HTR7: variants seen among roughly 807,000 people sequenced by gnomAD.
HTR7 encodes 5-hydroxytryptamine receptor 7, also known as 5-HT-7.
In HTR7, 16 loss-of-function variants were observed where a neutral mutation model predicts 34.0. That is an observed-to-expected ratio of 0.47 (90% CI 0.32 to 0.71). The LOEUF (loss-of-function observed/expected upper bound fraction) is 0.71. Among genes scored for constraint, HTR7 ranks in the 30% least tolerant of loss-of-function variants. The probability of loss-of-function intolerance (pLI) is 0.04; values close to 1 mark genes in which losing one functional copy is unlikely to be tolerated. For missense variants in HTR7, 504 were observed against 625.5 expected, an observed-to-expected ratio of 0.81 and a Z score of 2.07; for synonymous variants, 265 against 260.2, an observed-to-expected ratio of 1.02 and a Z score of -0.18.
At chr10:90,830,511 G>A (rs1248604141) in intron 1 of HTR7, among the ~76,000 whole-genome samples, 1 of 152,180 alleles carries the variant, frequency 6.6e-6, no homozygotes, top group Admixed American at 6.5e-5. Flanking sequence ...GGCCAGCCAG[G>A]CGCAGTGGCT....
intron 1 of HTR7, among the ~76,000 whole-genome samples, chr10:90,759,580 G>A (rs569465351): frequency 1.5e-4 from 22 of 149,828 alleles, no homozygotes; most frequent in East Asian, 1.2e-3. Flanking sequence ...GCGTGAACCC[G>A]GGAAGCGGAG....
At chr10:90,848,763 T>C (rs1251709398) in intron 1 of HTR7, among the ~76,000 whole-genome samples, 2 of 152,252 alleles carry the variant, frequency 1.3e-5, no homozygotes, top group East Asian at 3.8e-4. Flanking sequence ...ACTTGGTTGC[T>C]GGGTGTAGTT....
chr10:90,855,428 T>C (rs7919103), intron 1 of HTR7, among the ~76,000 whole-genome samples: 96,269 of 152,166 alleles, frequency 0.63, 32,252 homozygotes, highest in African/African-American at 0.88. Context: ...GCACAAGGTA[T>C]TATTTATGTA....
chr10:90,813,067 C>A (rs947495625), intron 1 of HTR7, among the ~76,000 whole-genome samples: 1 of 152,054 alleles, frequency 6.6e-6, no homozygotes, highest in Non-Finnish European at 1.5e-5. Context: ...AACCCCCACT[C>A]CTGCCCGCCA....
intron 1 of HTR7, among the ~76,000 whole-genome samples, chr10:90,816,988 T>C (rs1391210746): frequency 6.6e-6 from 1 of 152,184 alleles, no homozygotes; most frequent in African/African-American, 2.4e-5. Flanking sequence ...AAATTGGCTG[T>C]TAAGTTTTTT....
intron 1 of HTR7, among the ~76,000 whole-genome samples, chr10:90,775,093 A>G (rs1455383653): frequency 6.6e-6 from 1 of 152,236 alleles, no homozygotes; most frequent in African/African-American, 2.4e-5. Flanking sequence ...CATCACTCAG[A>G]AATAGGTCTT....
chr10:90,773,190 T>C (rs1845145871), intron 1 of HTR7, among the ~76,000 whole-genome samples: 1 of 152,228 alleles, frequency 6.6e-6, no homozygotes, highest in South Asian at 2.1e-4. Context: ...AACTCATACA[T>C]TGACAGAGAA....
intron 1 of HTR7, among the ~76,000 whole-genome samples, chr10:90,795,357 A>G (rs1399549834): frequency 6.6e-6 from 1 of 152,214 alleles, no homozygotes; most frequent in Non-Finnish European, 1.5e-5. Flanking sequence ...TTTCATAAAC[A>G]TTTATACGTA....
At chr10:90,834,530 G>A (rs1453638256) in intron 1 of HTR7, among the ~76,000 whole-genome samples, 1 of 152,144 alleles carries the variant, frequency 6.6e-6, no homozygotes, top group African/African-American at 2.4e-5. Context: ...AGTCCAGGCA[G>A]GTTCAGATCA....
chr10:90,853,287 C>CTTT (rs35477812), intron 1 of HTR7, among the ~76,000 whole-genome samples: 2 of 110,054 alleles, frequency 1.8e-5, no homozygotes, highest in Non-Finnish European at 1.9e-5. Context: ...TTTTTTTTTT[C>CTTT]TTTTTTTTTT....
intron 1 of HTR7, among the ~76,000 whole-genome samples, chr10:90,769,254 G>A (rs1296687659): frequency 2.0e-5 from 3 of 152,162 alleles, no homozygotes; most frequent in Non-Finnish European, 4.4e-5. Flanking sequence ...CTTTGAGTAA[G>A]ACATTTGTCT....
chr10:90,842,923 T>C (rs1293049493), intron 1 of HTR7, among the ~76,000 whole-genome samples: 1 of 152,112 alleles, frequency 6.6e-6, no homozygotes, highest in African/African-American at 2.4e-5. Context: ...AGGCCATCCC[T>C]TGGGACTGTC....
At chr10:90,810,456 T>A (rs990823374) in intron 1 of HTR7, among the ~76,000 whole-genome samples, 3 of 152,328 alleles carry the variant, frequency 2.0e-5, no homozygotes, top group East Asian at 3.9e-4. Flanking sequence ...AAGCCTGTTA[T>A]CACTCGCCTG....
intron 1 of HTR7, among the ~76,000 whole-genome samples, chr10:90,776,289 A>G (rs1305393590): frequency 5.3e-5 from 8 of 152,206 alleles, no homozygotes; most frequent in Admixed American, 3.9e-4. Context: ...GCTAATTTCC[A>G]TATCCAATAT....
Position 90,818,929 on chromosome 10 carries a change from C to T in HTR7, c.539+38204G>A, listed in dbSNP as rs556829033. On this transcript the variant is annotated intron_variant, in intron 1 of 3. Coordinates refer to ENST00000336152, the MANE Select transcript of HTR7 (RefSeq NM_019859.4). ...GGTATGCAGCACTTCCCCCATCTCT[C>T]TCTTCCTCCTGCTCCAGCCGTGTTA... Among the ~76,000 whole-genome samples the T allele has an allele frequency of 6.6e-5, 10 of 152,304 alleles. No individual in the cohort carries two copies. The East Asian group carries it at 1.2e-3, about 18-fold the overall frequency.
At chr10:90,818,606 C>A (rs1302532639) in intron 1 of HTR7, among the ~76,000 whole-genome samples, 1 of 152,056 alleles carries the variant, frequency 6.6e-6, no homozygotes, top group African/African-American at 2.4e-5. Flanking sequence ...ACTCTCTTGG[C>A]CTCACACTCT....
chr10:90,756,088 T>C (rs569828655), intron 1 of HTR7, among the ~76,000 whole-genome samples: 41 of 152,284 alleles, frequency 2.7e-4, no homozygotes, highest in African/African-American at 9.9e-4. Context: ...TTCACAAACA[T>C]AAGCTCGAGC....
At chr10:90,798,958 A>G (rs11186308) in intron 1 of HTR7, among the ~76,000 whole-genome samples, 1,880 of 152,314 alleles carry the variant, frequency 0.012, 36 homozygotes, top group African/African-American at 0.043. Flanking sequence ...ATTAGAAATT[A>G]TGGTTTAGGA....
chr10:90,819,966 T>C (rs1845953327), intron 1 of HTR7, among the ~76,000 whole-genome samples: 1 of 152,212 alleles, frequency 6.6e-6, no homozygotes, highest in Non-Finnish European at 1.5e-5. Context: ...AAAAAGCTAC[T>C]ATAATAGCTT....
Sources: gnomAD v4.1 joint callset for allele counts (sites outside exome capture counted in the v4.1 genomes callset) on GRCh38, gnomAD v4.1.1 for gene constraint, MANE v1.5 for transcripts, NCBI Gene and HGNC (gene_info 2026-07-23, HGNC 2026-07-21) for gene names.